The following UBE2E1 variants were observed in gnomAD, a reference collection of about 807,000 sequenced individuals.
UBE2E1 encodes ubiquitin conjugating enzyme E2 E1.
UBE2E1 carries 6 observed loss-of-function variants against 21.4 expected under a neutral mutation model. The ratio of observed to expected loss-of-function variants is 0.28; its 90% CI spans 0.15 to 0.55. The LOEUF (loss-of-function observed/expected upper bound fraction) is 0.55, where lower values mean the gene tolerates loss of function less well. UBE2E1 is among the 20% of genes least tolerant of loss of function. The pLI is 0.93. For synonymous variants in UBE2E1, 87 were observed against 82.7 expected, an observed-to-expected ratio of 1.05 and a Z score of -0.28; for missense variants, 142 against 236.5, an observed-to-expected ratio of 0.60 and a Z score of 2.62.
intron 3 of UBE2E1, among the ~76,000 whole-genome samples, chr3:23,880,574 C>A (rs1466575728): frequency 6.6e-6 from 1 of 152,056 alleles, no homozygotes; most frequent in Non-Finnish European, 1.5e-5. Flanking sequence ...GAAAAATATC[C>A]TAAATTTCAC....
At chr3:23,855,505 C>T (rs1368778050) in intron 3 of UBE2E1, among the ~76,000 whole-genome samples, 3 of 152,116 alleles carry the variant, frequency 2.0e-5, no homozygotes, top group African/African-American at 7.2e-5. Flanking sequence ...AGAGTTAGCA[C>T]TTGTTCCTTA....
chr3:23,841,057 T>A (rs769321583), intron 3 of UBE2E1, among the ~76,000 whole-genome samples: 1 of 152,210 alleles, frequency 6.6e-6, no homozygotes, highest in African/African-American at 2.4e-5. Flanking sequence ...AAATAAAGAT[T>A]AGTCGTTAGA....
intron 3 of UBE2E1, among the ~76,000 whole-genome samples, chr3:23,821,684 G>A (rs940251854): frequency 6.6e-6 from 1 of 152,170 alleles, no homozygotes; most frequent in African/African-American, 2.4e-5. Flanking sequence ...CCAAGTTTCT[G>A]TGTTTTTTTG....
chr3:23,824,684 G>A (rs948687659), intron 3 of UBE2E1, among the ~76,000 whole-genome samples: 3 of 152,168 alleles, frequency 2.0e-5, no homozygotes, highest in Admixed American at 2.0e-4. Flanking sequence ...TGCTATGTTG[G>A]ATCTCAGTAT....
rs767473540 is a variant in UBE2E1, at chr3:23,823,175, T to C, written c.203+11665T>C. On this transcript the variant is annotated intron_variant, in intron 3 of 5. Coordinates refer to ENST00000306627, the MANE Select transcript of UBE2E1 (RefSeq NM_003341.5). The surrounding 1 kb of genome is among the most constrained non-coding windows in gnomAD (Gnocchi z 4.2). ...TTCATCCTTTTAATATGGGCTGTTA[T>C]GTTAATGCTTTACATTGGATATACT... 3.9e-5 allele frequency among the ~76,000 whole-genome samples: 6 copies of C among 152,208 alleles called. No individual in the cohort carries two copies. Among genetic ancestry groups the C allele is most frequent in the Non-Finnish European group, 5.9e-5 (4 of 68,034 alleles).
intron 3 of UBE2E1, among the ~76,000 whole-genome samples, 183 bp downstream of exon 3, chr3:23,811,693 A>G (rs1190947213): frequency 6.6e-6 from 1 of 152,228 alleles, no homozygotes; most frequent in East Asian, 1.9e-4. Flanking sequence ...TGACAAGCTC[A>G]GTACTGTTGA....
At chr3:23,860,111 C>G (rs1575022152) in intron 3 of UBE2E1, among the ~76,000 whole-genome samples, 1 of 152,186 alleles carries the variant, frequency 6.6e-6, no homozygotes, top group Admixed American at 6.5e-5. Flanking sequence ...TCATTTTGCT[C>G]TACCAGACTG....
intron 3 of UBE2E1, among the ~76,000 whole-genome samples, chr3:23,871,872 G>A (rs867187015): frequency 1.3e-5 from 2 of 150,986 alleles, no homozygotes; most frequent in African/African-American, 4.9e-5. Flanking sequence ...GGGCAGAGAC[G>A]CTCCTCACTT....
intron 3 of UBE2E1, among the ~76,000 whole-genome samples, chr3:23,881,105 G>A (rs1701028339): frequency 6.6e-6 from 1 of 152,196 alleles, no homozygotes; most frequent in South Asian, 2.1e-4. Flanking sequence ...TTATTCAATG[G>A]AGAGTTTCCT....
Position 23,810,415 on chromosome 3 carries a change from G to C in UBE2E1, c.153-1045G>C. ...GGGCCCTTTGTGAAGTCGAGGGTTG[G>C]TGCGGAGGGAGAAAACTGCAGGTCT... is the stretch of plus-strand genomic sequence containing the variant. On this transcript the variant is annotated intron_variant, in intron 2 of 5. Coordinates refer to ENST00000306627, the MANE Select transcript of UBE2E1 (RefSeq NM_003341.5). The surrounding 1 kb of genome is among the most constrained non-coding windows in gnomAD (Gnocchi z 5.8). The C allele has an allele frequency of 6.5e-7, 1 of 1,534,518 alleles. No homozygotes were observed. The highest frequency in any genetic ancestry group is 8.7e-7 in the Non-Finnish European group (1 of 1,145,802).
intron 3 of UBE2E1, among the ~76,000 whole-genome samples, chr3:23,817,271 A>C (rs181288053): frequency 1.3e-5 from 2 of 152,112 alleles, no homozygotes; most frequent in Non-Finnish European, 2.9e-5. Context: ...AAAATACAAA[A>C]ATTAGCCGGG....
In UBE2E1 at chr3:23,842,210, T is replaced by TGG. The variant is rs1700102436; in HGVS notation, c.203+30701_203+30702insGG. 1.0e-5 allele frequency among the ~76,000 whole-genome samples: 1 copy of TGG among 95,338 alleles called. No homozygotes were observed. Among genetic ancestry groups the TGG allele is most frequent in the Admixed American group, 1.2e-4 (1 of 8,384 alleles). 62.5% of individuals were successfully genotyped at this position (95,338 alleles called of 152,430 possible). A position where few individuals can be genotyped will look rare whatever the true frequency, so the allele number is the denominator to read the frequency against. On this transcript the variant is annotated intron_variant, in intron 3 of 5. Coordinates refer to ENST00000306627, the MANE Select transcript of UBE2E1 (RefSeq NM_003341.5). This position sits in a 1 kb window ranked among gnomAD's most constrained non-coding sequence, Gnocchi z 4.6. ...CAGTAAGTGAAGGGGTGTGTGTGTG[T>TGG]GTGTGTGTGTGTGTGTGTGTGTGTG...
intron 3 of UBE2E1, among the ~76,000 whole-genome samples, chr3:23,860,424 C>G (rs1224750398): frequency 6.6e-6 from 1 of 152,194 alleles, no homozygotes; most frequent in Admixed American, 6.5e-5. Flanking sequence ...TAACAAAACA[C>G]TAAAATGGCC....
At chr3:23,826,650 A>G (rs990234495) in intron 3 of UBE2E1, among the ~76,000 whole-genome samples, 17 of 152,216 alleles carry the variant, frequency 1.1e-4, no homozygotes, top group African/African-American at 4.1e-4. Context: ...AATCTGTGAT[A>G]TGACTATGGA....
Position 23,890,516 on chromosome 3 carries a change from C to G in UBE2E1, c.492C>G (p.Pro164=). 1.2e-6 allele frequency: 2 copies of G among 1,611,504 alleles called. No homozygotes were observed. The highest frequency in any genetic ancestry group is 3.3e-4 in the Middle Eastern group (2 of 6,054). ...TACATTCTTTTCTTCCAGCCGACCCCTTGGTGGGAAGTATTGCCACTCAGT... is the reference window on the plus strand; with the variant it reads ...TACATTCTTTTCTTCCAGCCGACCCGTTGGTGGGAAGTATTGCCACTCAGT... ...SLLTDCNPAD[P]LVGSIATQYM... The change falls in exon 6 of 6, where the codon CCC becomes CCG. Residue 164 remains proline, a synonymous_variant. Transcript: ENST00000306627.
intron 3 of UBE2E1, among the ~76,000 whole-genome samples, chr3:23,829,961 T>C (rs1699835056): frequency 6.6e-6 from 1 of 152,080 alleles, no homozygotes. Context: ...GTATGCCACA[T>C]GTTTCCCTTC....
At chr3:23,807,188 A>G in intron 1 of UBE2E1, 49 bp from the exon 2 acceptor site, 1 of 1,472,740 alleles carries the variant, frequency 6.8e-7, no homozygotes, top group Non-Finnish European at 9.0e-7. Flanking sequence ...CCTTATTTAC[A>G]CTGGCTGCAT....
intron 3 of UBE2E1, among the ~76,000 whole-genome samples, chr3:23,886,290 A>T (rs1701182302): frequency 6.6e-6 from 1 of 152,260 alleles, no homozygotes; most frequent in Admixed American, 6.5e-5. Flanking sequence ...AATGGTGATC[A>T]CTGCCGTTTA....
Position 23,843,326 on chromosome 3 carries a change from T to G in UBE2E1, c.203+31816T>G, listed in dbSNP as rs183752562. 7.2e-5 allele frequency among the ~76,000 whole-genome samples: 11 copies of G among 152,292 alleles called. No individual in the cohort carries two copies. In the East Asian group the frequency reaches 1.5e-3, roughly 21 times the overall value. Reference sequence around the variant, plus strand: ...TAGCATATAATATGTGTTAAATATTTGTTGACATTCGGAACTGTGCACAAT... The same window carrying G: ...TAGCATATAATATGTGTTAAATATTGGTTGACATTCGGAACTGTGCACAAT... On this transcript the variant is annotated intron_variant, in intron 3 of 5. Coordinates refer to ENST00000306627, the MANE Select transcript of UBE2E1 (RefSeq NM_003341.5).
Sources: gnomAD v4.1 joint callset for allele counts (sites outside exome capture counted in the v4.1 genomes callset) on GRCh38, gnomAD v4.1.1 for gene constraint, Gnocchi (gnomAD v3.1) non-coding constraint, MANE v1.5 for transcripts, NCBI Gene and HGNC (gene_info 2026-07-23, HGNC 2026-07-21) for gene names.